The following GRIN2B variants were observed in gnomAD, a reference collection of about 807,000 sequenced individuals.
GRIN2B encodes glutamate receptor ionotropic, NMDA 2B.
A neutral mutation model predicts 114.5 loss-of-function variants in GRIN2B; 5 were observed. That is an observed-to-expected ratio of 0.04 (90% CI 0.02 to 0.09). The LOEUF is 0.09. Ranked by LOEUF, GRIN2B falls within the 10% of genes least tolerant of loss-of-function variation. The pLI, the probability that GRIN2B is intolerant of heterozygous loss-of-function variation, is 1.00. For missense variants in GRIN2B, 1,108 were observed against 1,943.5 expected (o/e 0.57, Z 8.08); for synonymous variants, 787 against 745.1 (o/e 1.06, Z -0.92).
At chr12:13,835,770 T>C (rs1591759219) in intron 3 of GRIN2B, among the ~76,000 whole-genome samples, 1 of 63,866 alleles carries the variant, frequency 1.6e-5, no homozygotes, top group African/African-American at 6.5e-5. Context: ...ACATAGCACA[T>C]TAAAAAAAAA....
intron 2 of GRIN2B, among the ~76,000 whole-genome samples, chr12:13,916,008 C>G (rs1039925593): frequency 1.3e-5 from 2 of 151,990 alleles, no homozygotes; most frequent in Non-Finnish European, 2.9e-5. Context: ...TGGACCTATG[C>G]TTGTAATGGT....
chr12:13,922,821 T>C (rs1481526735), intron 2 of GRIN2B, among the ~76,000 whole-genome samples: 1 of 152,142 alleles, frequency 6.6e-6, no homozygotes, highest in Non-Finnish European at 1.5e-5. Flanking sequence ...CTCCATGGAA[T>C]TGTCAAACAA....
At chr12:13,811,606 G>T (rs946431344) in intron 3 of GRIN2B, among the ~76,000 whole-genome samples, 2 of 152,178 alleles carry the variant, frequency 1.3e-5, no homozygotes, top group Non-Finnish European at 2.9e-5. Flanking sequence ...GGTCACTATT[G>T]CCACAGAAAC....
intron 3 of GRIN2B, among the ~76,000 whole-genome samples, chr12:13,779,720 G>T (rs965291634): frequency 1.3e-5 from 2 of 152,016 alleles, no homozygotes; most frequent in Non-Finnish European, 2.9e-5. Context: ...GCTAAATGTG[G>T]CTCATGGCTA....
At chr12:13,651,422 CAG>C (rs1188917020) in intron 5 of GRIN2B, among the ~76,000 whole-genome samples, 1 of 152,030 alleles carries the variant, frequency 6.6e-6, no homozygotes, top group African/African-American at 2.4e-5. Flanking sequence ...GGAAAAGAAA[CAG>C]AGATGAGACG....
At chr12:13,927,818 T>A (rs1866944789) in intron 2 of GRIN2B, among the ~76,000 whole-genome samples, 1 of 149,078 alleles carries the variant, frequency 6.7e-6, no homozygotes, top group Admixed American at 6.7e-5. Flanking sequence ...AAAAAAAAAA[T>A]TAGCTGGGTG....
At chr12:13,841,844 T>C (rs1865383635) in intron 3 of GRIN2B, among the ~76,000 whole-genome samples, 1 of 152,216 alleles carries the variant, frequency 6.6e-6, no homozygotes, top group Non-Finnish European at 1.5e-5. Context: ...TTCTTAGTTT[T>C]GTTTGTAGTT....
At chr12:13,815,769 C>T (rs911323677) in intron 3 of GRIN2B, among the ~76,000 whole-genome samples, 6 of 152,166 alleles carry the variant, frequency 3.9e-5, no homozygotes, top group Admixed American at 6.6e-5. Flanking sequence ...AAAATACTCA[C>T]GAATTTTCTT....
At chr12:13,575,516 G>T (rs1035265670) in intron 10 of GRIN2B, among the ~76,000 whole-genome samples, 1 of 151,916 alleles carries the variant, frequency 6.6e-6, no homozygotes, top group Admixed American at 6.6e-5. Flanking sequence ...AAAATTAGCC[G>T]TGCGTGGTGG....
chr12:13,581,959 T>C (rs1161543811), intron 10 of GRIN2B, among the ~76,000 whole-genome samples: 1 of 148,146 alleles, frequency 6.8e-6, no homozygotes, highest in Non-Finnish European at 1.5e-5. Flanking sequence ...AGTAAACACA[T>C]GGGTTATGGG....
chr12:13,746,996 C>T (rs1339862522), intron 4 of GRIN2B, among the ~76,000 whole-genome samples: 1 of 152,122 alleles, frequency 6.6e-6, no homozygotes, highest in African/African-American at 2.4e-5. Flanking sequence ...ATAAATTACC[C>T]GGCCTTTAGT....
At position 13,563,256 on chromosome 12, in the gene GRIN2B, C is replaced by G; in HGVS notation, c.3982G>C (p.Gly1328Arg). The stretch of plus-strand genomic sequence containing the variant: ...TAGGGGCTCCCATCCATGAATCGGC[C>G]CTTGTCTTTCAGGCTTACGCTGCGC... Reference protein sequence around the residue: ...APRSVSLKDKGRFMDGSPYAH... With the variant: ...APRSVSLKDKRRFMDGSPYAH... The change falls in exon 14 of 14, where the codon GGC becomes CGC. Residue 1328 changes from glycine to arginine, a missense_variant. By Grantham distance (125) the Gly-to-Arg change is moderately radical. Transcript: ENST00000609686. The G allele has an allele frequency of 6.2e-7, 1 of 1,614,226 alleles. No individual in the cohort carries two copies. Among genetic ancestry groups the G allele is most frequent in the Non-Finnish European group, 8.5e-7 (1 of 1,180,038 alleles).
chr12:13,690,844 G>A (rs534426534), intron 4 of GRIN2B, among the ~76,000 whole-genome samples: 2 of 152,170 alleles, frequency 1.3e-5, no homozygotes, highest in East Asian at 3.9e-4. Context: ...AGCATTGGGG[G>A]AATCTGAAAT....
At chr12:13,810,789 A>C (rs1482508804) in intron 3 of GRIN2B, among the ~76,000 whole-genome samples, 1 of 152,238 alleles carries the variant, frequency 6.6e-6, no homozygotes, top group Admixed American at 6.5e-5. Flanking sequence ...GATGAATCAG[A>C]GGAACAAGAA....
At chr12:13,621,310 G>A (rs1591646087) in intron 5 of GRIN2B, among the ~76,000 whole-genome samples, 1 of 152,192 alleles carries the variant, frequency 6.6e-6, no homozygotes, top group East Asian at 1.9e-4. Context: ...TGCAGACAGC[G>A]GTAGAACATG....
intron 3 of GRIN2B, among the ~76,000 whole-genome samples, chr12:13,795,660 T>C (rs1864407146): frequency 6.6e-6 from 1 of 152,170 alleles, no homozygotes; most frequent in African/African-American, 2.4e-5. Context: ...CTGTTCACAA[T>C]AGCAAAGACT....
intron 5 of GRIN2B, among the ~76,000 whole-genome samples, chr12:13,664,677 T>C (rs1482708856): frequency 3.9e-5 from 6 of 152,200 alleles, no homozygotes; most frequent in Admixed American, 2.6e-4. Flanking sequence ...CTACTTTTTC[T>C]TTCTTATACT....
chr12:13,621,236 C>T (rs1443203019), intron 5 of GRIN2B, among the ~76,000 whole-genome samples: 1 of 152,000 alleles, frequency 6.6e-6, no homozygotes, highest in Admixed American at 6.6e-5. Context: ...CCGGAGACAC[C>T]AAGCAAACAT....
intron 3 of GRIN2B, among the ~76,000 whole-genome samples, chr12:13,768,221 C>T (rs1477434694): frequency 6.6e-6 from 1 of 152,186 alleles, no homozygotes; most frequent in Non-Finnish European, 1.5e-5. Context: ...CTTTTCTTTG[C>T]ACATTAAGTA....
Sources: allele counts gnomAD v4.1 joint callset (sites outside exome capture counted in the v4.1 genomes callset), GRCh38; gene constraint gnomAD v4.1.1; transcripts MANE v1.5; gene names NCBI Gene and HGNC (gene_info 2026-07-23, HGNC 2026-07-21).